Variants in CTNNA2 observed in about 807,000 individuals in gnomAD.
The protein encoded by CTNNA2 is catenin alpha-2.
In CTNNA2, 42 loss-of-function variants were observed where a neutral mutation model predicts 101.0. That is an observed-to-expected ratio of 0.42 (90% confidence interval 0.32 to 0.54). The LOEUF is 0.54. Among genes scored for constraint, CTNNA2 ranks in the 20% least tolerant of loss-of-function variants. The pLI, the probability that CTNNA2 is intolerant of heterozygous loss-of-function variation, is 0.14. For synonymous variants in CTNNA2, 450 were observed against 456.4 expected (o/e 0.99, Z 0.18); for missense variants, 871 against 1,223.1 (o/e 0.71, Z 4.29).
chr2:80,381,983 G>T (rs752751338), intron 7 of CTNNA2, among the ~76,000 whole-genome samples: 1 of 152,082 alleles, frequency 6.6e-6, no homozygotes, highest in African/African-American at 2.4e-5. Context: ...AAAAGCTTTG[G>T]CTCCTAGAAA....
chr2:80,147,453 T>C (rs1047005101), intron 7 of CTNNA2, among the ~76,000 whole-genome samples: 1 of 152,138 alleles, frequency 6.6e-6, no homozygotes, highest in Non-Finnish European at 1.5e-5. Context: ...TGGATATAAA[T>C]GCTGTTGTTG....
intron 7 of CTNNA2, among the ~76,000 whole-genome samples, chr2:80,306,400 T>TTTTCTTTCTTTCTTTCTTTCTTTC (rs58501778): frequency 5.5e-5 from 6 of 109,200 alleles, no homozygotes; most frequent in African/African-American, 1.2e-4. Flanking sequence ...TTTTCTTTTC[T>TTTTCTTTCTTTCTTTCTTTCTTTC]TTTCTTTCTT....
At chr2:80,398,686 C>T (rs1372965918) in intron 8 of CTNNA2, among the ~76,000 whole-genome samples, 4 of 140,832 alleles carry the variant, frequency 2.8e-5, no homozygotes, top group African/African-American at 1.1e-4. Flanking sequence ...GAAACTCCGT[C>T]TCTGCTAAAA....
chr2:80,401,173 C>T (rs1171867666), intron 8 of CTNNA2, among the ~76,000 whole-genome samples: 1 of 152,116 alleles, frequency 6.6e-6, no homozygotes, highest in Non-Finnish European at 1.5e-5. Flanking sequence ...TGCCAGTGCT[C>T]ATGTCTTTCT....
chr2:79,397,654 T>G (rs1678247580), intron 4 of CTNNA2, among the ~76,000 whole-genome samples: 1 of 152,008 alleles, frequency 6.6e-6, no homozygotes, highest in African/African-American at 2.4e-5. Flanking sequence ...TTTGTTAAAT[T>G]TTTTCATTTT....
chr2:80,311,927 A>C (rs562579586), intron 7 of CTNNA2, among the ~76,000 whole-genome samples: 3 of 152,200 alleles, frequency 2.0e-5, no homozygotes, highest in Non-Finnish European at 4.4e-5. Flanking sequence ...CAAGGTTCAG[A>C]TTTCAAGCAT....
At chr2:79,421,160 G>A (rs1285597005) in intron 4 of CTNNA2, among the ~76,000 whole-genome samples, 1 of 152,108 alleles carries the variant, frequency 6.6e-6, no homozygotes, top group African/African-American at 2.4e-5. Context: ...GAGAGTGTGA[G>A]CCACACTAAT....
intron 1 of CTNNA2, among the ~76,000 whole-genome samples, chr2:79,573,426 A>C (rs1362308659): frequency 6.6e-6 from 1 of 152,224 alleles, no homozygotes; most frequent in Non-Finnish European, 1.5e-5. Context: ...GGACTAACTT[A>C]AAGCCTGAAA....
chr2:80,323,384 A>T (rs1431761674), intron 7 of CTNNA2, among the ~76,000 whole-genome samples: 1 of 151,608 alleles, frequency 6.6e-6, no homozygotes, highest in African/African-American at 2.4e-5. Flanking sequence ...CTTCATTTCT[A>T]GCTTTTCCTC....
At chr2:80,443,982 A>G (rs887420501) in intron 9 of CTNNA2, among the ~76,000 whole-genome samples, 1 of 152,284 alleles carries the variant, frequency 6.6e-6, no homozygotes, top group Non-Finnish European at 1.5e-5. Context: ...GGTTAAAATC[A>G]TGACATGAAT....
intron 7 of CTNNA2, among the ~76,000 whole-genome samples, chr2:80,160,531 G>A (rs1298511073): frequency 6.6e-6 from 1 of 152,092 alleles, no homozygotes; most frequent in East Asian, 1.9e-4. Context: ...ACATCTAAAT[G>A]TGTTCTTTTT....
At chr2:79,360,246 C>T (rs1431547154) in intron 3 of CTNNA2, among the ~76,000 whole-genome samples, 1 of 152,040 alleles carries the variant, frequency 6.6e-6, no homozygotes, top group African/African-American at 2.4e-5. Context: ...AAGAAAAGGT[C>T]ATATTGTAAT....
At chr2:80,313,615 T>C (rs556503487) in intron 7 of CTNNA2, 1 of 1,610,914 alleles carries the variant, frequency 6.2e-7, no homozygotes, top group African/African-American at 1.3e-5. Context: ...GTGAAAAAAA[T>C]ATGAAGACTT....
At chr2:80,270,888 G>C (rs144886959) in intron 7 of CTNNA2, among the ~76,000 whole-genome samples, 6 of 152,306 alleles carry the variant, frequency 3.9e-5, no homozygotes, top group African/African-American at 1.4e-4. Context: ...GGTATATTCA[G>C]ATGATTGTTT....
intron 7 of CTNNA2, among the ~76,000 whole-genome samples, chr2:79,912,645 A>G (rs1173243234): frequency 6.6e-6 from 1 of 152,240 alleles, no homozygotes; most frequent in Non-Finnish European, 1.5e-5. Context: ...ATCAAGTTGA[A>G]GATATAATCC....
At chr2:79,942,817 T>C (rs1688246068) in intron 7 of CTNNA2, among the ~76,000 whole-genome samples, 1 of 152,146 alleles carries the variant, frequency 6.6e-6, no homozygotes, top group Admixed American at 6.5e-5. Flanking sequence ...AGGAAAATTA[T>C]ATGAGATGAA....
chr2:80,634,408 C>T (rs186361306), intron 18 of CTNNA2, among the ~76,000 whole-genome samples: 4 of 152,066 alleles, frequency 2.6e-5, no homozygotes, highest in South Asian at 2.1e-4. Flanking sequence ...AAATAGTAAG[C>T]GCTAAGGCCT....
At chr2:79,993,330 C>T (rs1055516328) in intron 7 of CTNNA2, among the ~76,000 whole-genome samples, 21 of 152,174 alleles carry the variant, frequency 1.4e-4, no homozygotes, top group Non-Finnish European at 3.1e-4. Flanking sequence ...TGCTAATTGG[C>T]CTGTTCTCTC....
chr2:80,210,074 G>A (rs754974711), intron 7 of CTNNA2, among the ~76,000 whole-genome samples: 22 of 152,070 alleles, frequency 1.4e-4, no homozygotes, highest in Non-Finnish European at 2.6e-4. Context: ...CATATATGTT[G>A]TTTTACAATT....
Sources: allele counts gnomAD v4.1 joint callset (sites outside exome capture counted in the v4.1 genomes callset), GRCh38; gene constraint gnomAD v4.1.1; transcripts MANE v1.5; gene names NCBI Gene and HGNC (gene_info 2026-07-23, HGNC 2026-07-21).